The following ZNF835 variants were observed in gnomAD, a reference collection of about 807,000 sequenced individuals.
ZNF835 encodes the protein zinc finger protein 835.
For synonymous variants in ZNF835, 323 were observed against 324.7 expected, an observed-to-expected ratio of 0.99 and a Z score of 0.06; for missense variants, 783 against 758.4, an observed-to-expected ratio of 1.03 and a Z score of -0.38.
rs2045222631 is a variant in ZNF835, at chr19:56,664,453, G to T, written c.746C>A (p.Pro249His). ...EHQRIHTGEK[P>H]YECSACAKAF... is the part of the protein sequence containing the mutation. The stretch of plus-strand genomic sequence containing the variant: ...CTTGGCGCACGCGGAGCACTCGTAG[G>T]GCTTCTCACCGGTGTGGATGCGCTG... Residue 249 changes from proline to histidine, a missense_variant, in exon 2 of 2, where the codon CCC becomes CAC. Pro to His is a moderately conservative substitution (Grantham distance 77, BLOSUM62 -2). Coordinates refer to ENST00000537055, the MANE Select transcript of ZNF835 (RefSeq NM_001005850.3). The T allele has an allele frequency of 1.2e-6, 2 of 1,612,696 alleles. No individual in the cohort carries two copies. The highest frequency in any genetic ancestry group is 1.7e-6 in the Non-Finnish European group (2 of 1,179,380).
At position 56,664,657 on chromosome 19, in the gene ZNF835, A is replaced by T. The variant is rs756901807; in HGVS notation, c.542T>A (p.Leu181Gln). The T allele has an allele frequency of 6.2e-7, 1 of 1,610,934 alleles. No homozygotes were observed. Among genetic ancestry groups the T allele is most frequent in the South Asian group, 1.1e-5 (1 of 90,916 alleles). Residue 181 changes from leucine (L) to glutamine (Q), a missense_variant, in exon 2 of 2, where the codon CTG becomes CAG. Transcript: ENST00000537055. The stretch of plus-strand genomic sequence containing the variant: ...CGTGTGCGTGCGCCAGTGGGACGCC[A>T]GGTACGAGCCCTGGCTGAAGGCCTT... ...CGKAFSQGSY[L>Q]ASHWRTHTGE...
Position 56,664,931 on chromosome 19 carries a change from G to T in ZNF835, c.268C>A (p.Pro90Thr). 6.2e-7 allele frequency: 1 copy of T among 1,614,008 alleles called. No homozygotes were observed. ...SRRCSAPGES[P>T]KERHPDSRQR... Reference sequence around the variant, plus strand: ...CGGCTGTCAGGATGCCTCTCCTTCGGGCTCTCCCCAGGCGCGCTGCACCTC... The same window carrying T: ...CGGCTGTCAGGATGCCTCTCCTTCGTGCTCTCCCCAGGCGCGCTGCACCTC... Residue 90 changes from proline to threonine, a missense_variant, in exon 2 of 2, where the codon CCG becomes ACG. Pro to Thr is a conservative substitution (Grantham distance 38, BLOSUM62 -1). Transcript: ENST00000537055.
chr19:56,670,586 G>A (rs1038424886), intron 1 of ZNF835, among the ~76,000 whole-genome samples: 1 of 152,196 alleles, frequency 6.6e-6, no homozygotes, highest in East Asian at 1.9e-4. Flanking sequence ...GCACAGAGAC[G>A]CACAAGGTCA....
In ZNF835 at chr19:56,666,225, G is replaced by C. The variant is rs75676404; in HGVS notation, c.-47-980C>G. Among the ~76,000 whole-genome samples, 1,428 of 152,236 alleles carry C rather than the reference G, an allele frequency of 9.4e-3. 132 individuals are homozygous for C. The East Asian group carries it at 0.22, about 23-fold the overall frequency. ...GGGTTCAAGCAATTCTTCTGCCTCA[G>C]CCTCCTGAGTAGTTGGGACTACAGG... is the stretch of plus-strand genomic sequence containing the variant. On this transcript the variant is annotated intron_variant, in intron 1 of 1. Transcript: ENST00000537055.
rs921800784 is a variant in ZNF835, at chr19:56,667,327, G to A, written c.-47-2082C>T. 3.9e-5 allele frequency among the ~76,000 whole-genome samples: 6 copies of A among 152,342 alleles called. No individual in the cohort carries two copies. The East Asian group carries it at 1.2e-3, about 29-fold the overall frequency. On this transcript the variant is annotated intron_variant, in intron 1 of 1. Coordinates refer to ENST00000537055, the MANE Select transcript of ZNF835 (RefSeq NM_001005850.3). ...GACAAATGACCTCCTGGTGCTGAGA[G>A]AGGGAAGGAGGCAGCTGCCTGTGGA...
rs772968858 is a variant in ZNF835 at position 56,664,130 on chromosome 19, T to C, written c.1069A>G (p.Thr357Ala). The C allele has an allele frequency of 5.6e-5, 91 of 1,610,840 alleles. No homozygotes were observed. Among genetic ancestry groups the C allele is most frequent in the Middle Eastern group, 3.3e-4 (2 of 6,068 alleles). ...SHLTQHQRTH[T>A]GERPYPCHDC... ...TGGCAGGGGTAAGGCCGCTCTCCGGTGTGCGTGCGCTGGTGCTGCGTCAGG... is the reference window on the plus strand; with the variant it reads ...TGGCAGGGGTAAGGCCGCTCTCCGGCGTGCGTGCGCTGGTGCTGCGTCAGG... Residue 357 changes from threonine to alanine, a missense_variant, in exon 2 of 2, where the codon ACC (threonine) becomes GCC (alanine). Thr to Ala is a moderately conservative substitution (Grantham distance 58). Transcript: ENST00000537055.
chr19:56,668,341 A>G lies in ZNF835; in HGVS notation c.-47-3096T>C, dbSNP rs547091238. On this transcript the variant is annotated intron_variant, in intron 1 of 1. Coordinates refer to ENST00000537055, the MANE Select transcript of ZNF835 (RefSeq NM_001005850.3). The stretch of plus-strand genomic sequence containing the variant: ...CCACCAGAGTATGGCATTCCGTCAC[A>G]CCCCAAAGGACCTAAAATAGGGCTT... 9.8e-4 allele frequency among the ~76,000 whole-genome samples: 136 copies of G among 138,796 alleles called. 1 individual carries two copies. The highest frequency in any genetic ancestry group is 3.0e-3 in the Admixed American group (40 of 13,488). 91.1% of individuals were successfully genotyped at this position (138,796 alleles called of 152,430 possible).
At chr19:56,667,554 C>G (rs960730771) in intron 1 of ZNF835, among the ~76,000 whole-genome samples, 9 of 152,266 alleles carry the variant, frequency 5.9e-5, no homozygotes, top group African/African-American at 2.2e-4. Context: ...TGTGTGGGCT[C>G]AGCCCCTCAC....
intron 1 of ZNF835, among the ~76,000 whole-genome samples, chr19:56,667,571 G>A (rs2045256593): frequency 6.6e-6 from 1 of 152,220 alleles, no homozygotes; most frequent in Non-Finnish European, 1.5e-5. Context: ...TCACACACAG[G>A]CATTCCCTGA....
chr19:56,663,543 T>TC lies in ZNF835; in HGVS notation c.*41dup. 3.7e-6 allele frequency: 6 copies of TC among 1,611,342 alleles called. No individual in the cohort carries two copies. Among genetic ancestry groups the TC allele is most frequent in the South Asian group, 1.1e-5 (1 of 90,902 alleles). ...GAAGCGTCGGGGATAACACAGTATC[T>TC]CCCCCATAGCATTGTGAGGTTGGAA... On this transcript the variant is annotated 3_prime_UTR_variant, in exon 2 of 2. Coordinates refer to ENST00000537055, the MANE Select transcript of ZNF835 (RefSeq NM_001005850.3).
rs1450484378 is a variant in ZNF835 at position 56,664,253 on chromosome 19, T to C, written c.946A>G (p.Ser316Gly). Residue 316 changes from serine to glycine, a missense_variant, in exon 2 of 2, where the codon AGC (serine) becomes GGC (glycine). Physicochemically the swap from Ser to Gly is moderately conservative, Grantham distance 56. Coordinates refer to ENST00000537055, the MANE Select transcript of ZNF835 (RefSeq NM_001005850.3). Reference sequence around the variant, plus strand: ...TGCTCGGCCAGAGAGGCGCTCTGGCTGAAGAGCGCGCCGCAGTCCTGGCAC... The same window carrying C: ...TGCTCGGCCAGAGAGGCGCTCTGGCCGAAGAGCGCGCCGCAGTCCTGGCAC... Reference protein sequence around the residue: ...YTCQDCGALFSQSASLAEHRR... With the variant: ...YTCQDCGALFGQSASLAEHRR... The C allele has an allele frequency of 3.1e-6, 5 of 1,606,560 alleles. No individual in the cohort carries two copies. The highest frequency in any genetic ancestry group is 3.4e-6 in the Non-Finnish European group (4 of 1,177,254).
rs2148051639 is a variant in ZNF835 at position 56,663,634 on chromosome 19, C to T, written c.1565G>A (p.Cys522Tyr). ...TPGLSQGGET[C>Y]QQGCPGRNPR... ...GTTTCTGCCAGGGCACCCCTGTTGA[C>T]AGGTTTCTCCTCCCTGTGAGAGCCC... Residue 522 changes from cysteine to tyrosine, a missense_variant, in exon 2 of 2, where the codon TGT (cysteine) becomes TAT (tyrosine). Coordinates refer to ENST00000537055, the MANE Select transcript of ZNF835 (RefSeq NM_001005850.3). The T allele has an allele frequency of 6.2e-7, 1 of 1,614,050 alleles. No individual in the cohort carries two copies. Among genetic ancestry groups the T allele is most frequent in the Non-Finnish European group, 8.5e-7 (1 of 1,179,892 alleles).
Position 56,664,215 on chromosome 19 carries a change from G to A in ZNF835, c.984C>T (p.His328=). The change falls in exon 2 of 2, where the codon CAC becomes CAT. Residue 328 remains histidine (H), a synonymous_variant. Transcript: ENST00000537055. ...SASLAEHRRI[H]TGEKPYACGQ... ...CGCACGCGTAGGGCTTCTCGCCTGT[G>A]TGGATGCGCCGGTGCTCGGCCAGAG... The A allele has an allele frequency of 6.2e-7, 1 of 1,605,710 alleles. No homozygotes were observed. The highest frequency in any genetic ancestry group is 8.5e-7 in the Non-Finnish European group (1 of 1,175,516).
chr19:56,668,772 TG>T (rs1186608555), intron 1 of ZNF835, among the ~76,000 whole-genome samples: 1 of 143,454 alleles, frequency 7.0e-6, no homozygotes, highest in East Asian at 2.0e-4. Context: ...TGCGGTAGAG[TG>T]GGGTGGGGGT....
At position 56,664,254 on chromosome 19, in the gene ZNF835, G is replaced by C. The variant is rs768947333; in HGVS notation, c.945C>G (p.Phe315Leu). The C allele has an allele frequency of 1.2e-6, 2 of 1,608,118 alleles. No individual in the cohort carries two copies. The highest frequency in any genetic ancestry group is 1.7e-6 in the Non-Finnish European group (2 of 1,177,582). The change falls in exon 2 of 2, where the codon TTC becomes TTG. Residue 315 changes from phenylalanine (F) to leucine (L), a missense_variant. Physicochemically the swap from Phe to Leu is conservative, Grantham distance 22 (BLOSUM62 0). Transcript: ENST00000537055. ...GCTCGGCCAGAGAGGCGCTCTGGCT[G>C]AAGAGCGCGCCGCAGTCCTGGCACG... ...PYTCQDCGALFSQSASLAEHR... is the reference protein window; with the variant it reads ...PYTCQDCGALLSQSASLAEHR...
At chr19:56,668,364 CTTTT>C (rs10604506) in intron 1 of ZNF835, among the ~76,000 whole-genome samples, 7,622 of 117,004 alleles carry the variant, frequency 0.065, 684 homozygotes, top group African/African-American at 0.22. Context: ...TAAAATAGGG[CTTTT>C]TTTTTTTTTT....
chr19:56,663,857 A>G lies in ZNF835; in HGVS notation c.1342T>C (p.Cys448Arg). The G allele has an allele frequency of 1.9e-6, 3 of 1,613,406 alleles. No homozygotes were observed. The highest frequency in any genetic ancestry group is 2.5e-6 in the Non-Finnish European group (3 of 1,179,884). Residue 448 changes from cysteine (C) to arginine (R), a missense_variant, in exon 2 of 2, where the codon TGC (cysteine) becomes CGC (arginine). Coordinates refer to ENST00000537055, the MANE Select transcript of ZNF835 (RefSeq NM_001005850.3). ...RTHTGERPYTCPECGKAFSNR... is the reference protein window; with the variant it reads ...RTHTGERPYTRPECGKAFSNR... Reference sequence around the variant, plus strand: ...CTGAAGGCCTTGCCGCACTCGGGGCAGGTGTAGGGCCGCTCGCCCGTGTGC... The same window carrying G: ...CTGAAGGCCTTGCCGCACTCGGGGCGGGTGTAGGGCCGCTCGCCCGTGTGC...
intron 1 of ZNF835, among the ~76,000 whole-genome samples, chr19:56,669,180 C>T (rs963852854): frequency 5.9e-5 from 9 of 152,112 alleles, no homozygotes; most frequent in Admixed American, 4.6e-4. Context: ...CAGGGACATG[C>T]TTTATTTACG....
Position 56,663,583 on chromosome 19 carries a change from T to C in ZNF835, c.*2A>G. ...TGAGGTTGGAAAGGAGGCCCTCAGC[T>C]CTTAATCTTCTGCTGGTCCACGCGG... is the stretch of plus-strand genomic sequence containing the variant. On this transcript the variant is annotated 3_prime_UTR_variant, in exon 2 of 2. Transcript: ENST00000537055. 6.2e-7 allele frequency: 1 copy of C among 1,613,928 alleles called. No homozygotes were observed. Among genetic ancestry groups the C allele is most frequent in the South Asian group, 1.1e-5 (1 of 91,086 alleles).
Sources: allele counts gnomAD v4.1 joint callset (sites outside exome capture counted in the v4.1 genomes callset), GRCh38; gene constraint gnomAD v4.1.1; transcripts MANE v1.5; gene names NCBI Gene and HGNC (gene_info 2026-07-23, HGNC 2026-07-21).